Variants in CNDP1 observed in about 807,000 individuals in gnomAD.
The protein encoded by CNDP1 is beta-Ala-His dipeptidase.
Under a neutral mutation model 58.1 loss-of-function variants are expected in CNDP1, and 44 were observed. The ratio of observed to expected loss-of-function variants is 0.76; its 90% CI spans 0.60 to 0.97. The LOEUF is 0.97. Ranked by LOEUF, CNDP1 falls within the 50% of genes least tolerant of loss-of-function variation. The pLI is 0.00. For synonymous variants in CNDP1, 254 were observed against 252.6 expected, an observed-to-expected ratio of 1.01 and a Z score of -0.05; for missense variants, 616 against 655.1, an observed-to-expected ratio of 0.94 and a Z score of 0.65.
intron 7 of CNDP1, among the ~76,000 whole-genome samples, chr18:74,575,371 A>C (rs1187720321): frequency 6.6e-6 from 1 of 152,250 alleles, no homozygotes; most frequent in African/African-American, 2.4e-5. Context: ...GACTGTCAGC[A>C]GAAGTTTAGG....
chr18:74,541,115 G>C (rs758711807), intron 1 of CNDP1, among the ~76,000 whole-genome samples: 8 of 152,192 alleles, frequency 5.3e-5, no homozygotes, highest in Non-Finnish European at 1.2e-4. Flanking sequence ...AAACTTGTAG[G>C]TTCTGAAAGT....
chr18:74,559,093 CCTT>C (rs1248557025), intron 2 of CNDP1, among the ~76,000 whole-genome samples: 1 of 152,158 alleles, frequency 6.6e-6, no homozygotes, highest in Non-Finnish European at 1.5e-5. Flanking sequence ...TCCTGCCTGA[CCTT>C]CTATACTAAC....
chr18:74,584,332 T>G, intron 11 of CNDP1, 164 bp from the exon 12 acceptor site: 1 of 594,336 alleles, frequency 1.7e-6, no homozygotes, highest in Non-Finnish European at 3.0e-6. Flanking sequence ...AATTTTCACA[T>G]GGAACTTACT....
chr18:74,575,831 A>ATGTATGTG (rs1555711148), intron 7 of CNDP1, among the ~76,000 whole-genome samples: 12,557 of 94,056 alleles, frequency 0.13, 959 homozygotes, highest in African/African-American at 0.2. Flanking sequence ...GTGTGTATAC[A>ATGTATGTG]TGTGTGTGTG....
At chr18:74,541,803 T>A (rs552787547) in intron 1 of CNDP1, among the ~76,000 whole-genome samples, 3 of 152,192 alleles carry the variant, frequency 2.0e-5, no homozygotes, top group Admixed American at 1.3e-4. Flanking sequence ...TTTCAAGCGG[T>A]TACAATCCCC....
rs1475578536 is a variant in CNDP1 at position 74,559,615 on chromosome 18, C to T, written c.303+143C>T. The T allele has an allele frequency of 1.1e-5, 8 of 758,306 alleles. No homozygotes were observed. The East Asian group carries it at 2.0e-4, about 19-fold the overall frequency. The allele number at this position is 758,306 out of a possible 1,614,324, so 47.0% of individuals were successfully genotyped here. A position where few individuals can be genotyped will look rare whatever the true frequency, so the allele number is the denominator to read the frequency against. On this transcript the variant is annotated intron_variant, in intron 3 of 11. Coordinates refer to ENST00000358821, the MANE Select transcript of CNDP1 (RefSeq NM_032649.6). The stretch of plus-strand genomic sequence containing the variant: ...CAATTCCCAATGAAGATGAAACATT[C>T]CCCTGGTCTCAAATGAAGCCGTGTT...
chr18:74,540,375 G>T (rs1980588400), intron 1 of CNDP1, among the ~76,000 whole-genome samples: 1 of 152,046 alleles, frequency 6.6e-6, no homozygotes, highest in East Asian at 1.9e-4. Context: ...GGCCAGGCTG[G>T]TCTCAAACTC....
At chr18:74,565,895 A>G (rs545996511) in intron 5 of CNDP1, among the ~76,000 whole-genome samples, 12 of 152,354 alleles carry the variant, frequency 7.9e-5, no homozygotes, top group Non-Finnish European at 5.9e-5. Flanking sequence ...ACACTGCCCT[A>G]GCAGAGGCTC....
chr18:74,534,809 C>A, intron 1 of CNDP1, 118 bp downstream of exon 1: 1 of 1,069,380 alleles, frequency 9.4e-7, no homozygotes, highest in Non-Finnish European at 1.4e-6. Context: ...GCCCCAGATG[C>A]TGCTCCTCAT....
chr18:74,582,084 C>T (rs184841427), intron 10 of CNDP1, among the ~76,000 whole-genome samples: 5 of 152,272 alleles, frequency 3.3e-5, no homozygotes, highest in East Asian at 3.9e-4. Context: ...GCAGGTATTT[C>T]GCCAGTAAAC....
At chr18:74,570,033 CAAAA>C (rs56365298) in intron 6 of CNDP1, among the ~76,000 whole-genome samples, 18 of 94,130 alleles carry the variant, frequency 1.9e-4, no homozygotes, top group African/African-American at 7.4e-4. Flanking sequence ...GAAGAAAATA[CAAAA>C]AAAAAAAAAA....
Position 74,579,261 on chromosome 18 carries a change from CTCCTGTTCCT to C in CNDP1, c.1168-864_1168-855del, listed in dbSNP as rs374136320. On this transcript the variant is annotated intron_variant, in intron 9 of 11. Transcript: ENST00000358821. ...TCCCCTCTCCTTTCCTTTTTCTTCCCTCCTGTTCCTTCCTCCCGCCCTCCTTCCATCCTTC... is the reference window on the plus strand; with the variant it reads ...TCCCCTCTCCTTTCCTTTTTCTTCCCTCCTCCCGCCCTCCTTCCATCCTTC... Among the ~76,000 whole-genome samples the C allele has an allele frequency of 3.3e-3, 488 of 146,500 alleles. 1 individual carries two copies. The highest frequency in any genetic ancestry group is 0.011 in the African/African-American group (448 of 39,144).
intron 7 of CNDP1, chr18:74,576,135 T>C (rs1332114302): frequency 6.6e-6 from 1 of 152,102 alleles, no homozygotes; most frequent in Non-Finnish European, 1.5e-5. Flanking sequence ...CCCAAACTGC[T>C]GGGATTTCAG....
At position 74,541,937 on chromosome 18, in the gene CNDP1, C is replaced by T. The variant is rs553620135; in HGVS notation, c.24+7246C>T. Among the ~76,000 whole-genome samples the T allele has an allele frequency of 3.9e-5, 6 of 152,236 alleles. No individual in the cohort carries two copies. In the East Asian group the frequency reaches 5.8e-4, roughly 15 times the overall value. Reference sequence around the variant, plus strand: ...CCTGCTGACCTCAGAAGGAATGGGGCGCATTGTGAAAGGGAGAGAAACAGT... The same window carrying T: ...CCTGCTGACCTCAGAAGGAATGGGGTGCATTGTGAAAGGGAGAGAAACAGT... On this transcript the variant is annotated intron_variant, in intron 1 of 11. Transcript: ENST00000358821.
chr18:74,536,608 T>A (rs1277357990), intron 1 of CNDP1, among the ~76,000 whole-genome samples: 1 of 152,228 alleles, frequency 6.6e-6, no homozygotes, highest in East Asian at 1.9e-4. Flanking sequence ...AACATTCACA[T>A]TCATGTGTCT....
intron 1 of CNDP1, among the ~76,000 whole-genome samples, chr18:74,540,839 G>T (rs1980603329): frequency 6.6e-6 from 1 of 152,234 alleles, no homozygotes; most frequent in Non-Finnish European, 1.5e-5. Flanking sequence ...ACTTACTGCA[G>T]ATGGTCACCA....
intron 6 of CNDP1, among the ~76,000 whole-genome samples, 167 bp downstream of exon 6, chr18:74,567,600 G>GGAAAA (rs1031050632): frequency 6.6e-6 from 1 of 152,132 alleles, no homozygotes; most frequent in Non-Finnish European, 1.5e-5. Flanking sequence ...GAGGTCTTGG[G>GGAAAA]GTTTGGGGAG....
intron 7 of CNDP1, among the ~76,000 whole-genome samples, chr18:74,575,803 A>T (rs2144574329): frequency 6.8e-6 from 1 of 146,378 alleles, no homozygotes; most frequent in African/African-American, 2.6e-5. Flanking sequence ...TTGGTTTCTC[A>T]GGTATGTATG....
intron 1 of CNDP1, among the ~76,000 whole-genome samples, chr18:74,548,690 C>T (rs1374945142): frequency 6.6e-6 from 1 of 152,154 alleles, no homozygotes. Context: ...CAGAAGAAAA[C>T]AGGAAGATGA....
Sources: allele counts gnomAD v4.1 joint callset (sites outside exome capture counted in the v4.1 genomes callset), GRCh38; gene constraint gnomAD v4.1.1; transcripts MANE v1.5; gene names NCBI Gene and HGNC (gene_info 2026-07-23, HGNC 2026-07-21).